SERPIND1: variants seen among roughly 807,000 people sequenced by gnomAD.
The protein encoded by SERPIND1 is heparin cofactor 2.
SERPIND1 carries 34 observed loss-of-function variants against 35.0 expected under a neutral mutation model. The ratio of observed to expected loss-of-function variants is 0.97; its 90% CI spans 0.74 to 1.29. The LOEUF is 1.29. Among genes scored for constraint, SERPIND1 ranks in the 50% most tolerant of loss-of-function variants. SERPIND1 has a pLI of 0.00. For synonymous variants in SERPIND1, 236 were observed against 241.1 expected (o/e 0.98, Z 0.19); for missense variants, 633 against 637.7 (o/e 0.99, Z 0.08).
chr22:20,787,465 G>C lies in SERPIND1; in HGVS notation c.*399G>C. 1 of 333,302 alleles carries C rather than the reference G, an allele frequency of 3.0e-6. No homozygotes were observed. The allele number at this position is 333,302 out of a possible 1,614,324, so 20.6% of individuals were successfully genotyped here. ...TGAATACCAAGCACAGAAATGAGTG[G>C]TGTGACTAATTCCTTACCTCTCCCA... On this transcript the variant is annotated 3_prime_UTR_variant, in exon 5 of 5. Coordinates refer to ENST00000215727, the MANE Select transcript of SERPIND1 (RefSeq NM_000185.4).
intron 2 of SERPIND1, among the ~76,000 whole-genome samples, chr22:20,782,956 C>A (rs940852563): frequency 6.7e-6 from 1 of 149,880 alleles, no homozygotes; most frequent in African/African-American, 2.5e-5. Flanking sequence ...GCTGCTCTAC[C>A]CACCAGCTAG....
chr22:20,774,708 C>T (rs916525549), intron 1 of SERPIND1, among the ~76,000 whole-genome samples: 11 of 146,908 alleles, frequency 7.5e-5, no homozygotes, highest in African/African-American at 2.0e-4. Flanking sequence ...TTGCAGTGAG[C>T]GGAGATCGTG....
In SERPIND1 at chr22:20,786,016, G is replaced by C. The variant is rs770479744; in HGVS notation, c.1176G>C (p.Val392=). 31 of 1,614,040 alleles carry C rather than the reference G, an allele frequency of 1.9e-5. No individual in the cohort carries two copies. The Admixed American group carries it at 2.3e-4, about 12-fold the overall frequency. The part of the protein sequence containing the change: ...QKSMTNRTRE[V]LLPKFKLEKN... ...CTTTTCTGTCTAGAACTCGAGAAGTGCTTCTGCCGAAATTCAAGCTGGAGA... is the reference window on the plus strand; with the variant it reads ...CTTTTCTGTCTAGAACTCGAGAAGTCCTTCTGCCGAAATTCAAGCTGGAGA... The change falls in exon 4 of 5, where the codon GTG becomes GTC. Residue 392 remains valine, a synonymous_variant. Coordinates refer to ENST00000215727, the MANE Select transcript of SERPIND1 (RefSeq NM_000185.4).
chr22:20,783,011 CATATGTAAAAGAGGG>C (rs1361835985), intron 2 of SERPIND1, among the ~76,000 whole-genome samples: 2 of 152,138 alleles, frequency 1.3e-5, no homozygotes, highest in Non-Finnish European at 2.9e-5. Flanking sequence ...TCTGTTTCCT[CATATGTAAAAGAGGG>C]ATAACAAAAC....
intron 2 of SERPIND1, among the ~76,000 whole-genome samples, chr22:20,781,131 A>G (rs1453602821): frequency 2.0e-5 from 3 of 152,154 alleles, no homozygotes; most frequent in African/African-American, 7.2e-5. Flanking sequence ...GCTGAGCACA[A>G]GGGCACTTTT....
chr22:20,778,824 A>C lies in SERPIND1; in HGVS notation c.-16-473A>C, dbSNP rs184165047. On this transcript the variant is annotated intron_variant, in intron 1 of 4. Coordinates refer to ENST00000215727, the MANE Select transcript of SERPIND1 (RefSeq NM_000185.4). ...CTCCTACCACACAGGGTAGAGCCAC[A>C]CCCCTTTCCGTACCCCCATGTGCTC... Among the ~76,000 whole-genome samples the C allele has an allele frequency of 1.7e-3, 256 of 151,762 alleles. 2 individuals carry two copies. Among genetic ancestry groups the C allele is most frequent in the African/African-American group, 5.9e-3 (246 of 41,348 alleles).
intron 1 of SERPIND1, 190 bp from the exon 2 acceptor site, chr22:20,779,107 G>A: frequency 7.5e-7 from 1 of 1,334,296 alleles, no homozygotes. Context: ...AGGTTTATGA[G>A]TCCCACATCA....
intron 3 of SERPIND1, 77 bp from the exon 4 acceptor site, chr22:20,785,927 C>T (rs1478749219): frequency 3.2e-6 from 5 of 1,584,732 alleles, no homozygotes; most frequent in Non-Finnish European, 4.3e-6. Flanking sequence ...AACCCGTGGC[C>T]CTTTAAAGGG....
rs180847399 is a variant in SERPIND1, at chr22:20,783,005, T to A, written c.890-967T>A. Reference sequence around the variant, plus strand: ...GTTACTTCACTTCTTTGTGCCTCTGTTTCCTCATATGTAAAAGAGGGATAA... The same window carrying A: ...GTTACTTCACTTCTTTGTGCCTCTGATTCCTCATATGTAAAAGAGGGATAA... On this transcript the variant is annotated intron_variant, in intron 2 of 4. Coordinates refer to ENST00000215727, the MANE Select transcript of SERPIND1 (RefSeq NM_000185.4). 2.5e-3 allele frequency among the ~76,000 whole-genome samples: 375 copies of A among 152,316 alleles called. 2 individuals are homozygous for A. Among genetic ancestry groups the A allele is most frequent in the Non-Finnish European group, 4.6e-3 (311 of 68,030 alleles).
intron 2 of SERPIND1, 70 bp downstream of exon 2, chr22:20,780,271 T>A (rs998135570): frequency 1.3e-6 from 2 of 1,598,438 alleles, no homozygotes; most frequent in Non-Finnish European, 1.7e-6. Flanking sequence ...GTAGATTGAA[T>A]GCCAAGAACT....
chr22:20,781,171 C>T (rs1017026475), intron 2 of SERPIND1, among the ~76,000 whole-genome samples: 2 of 152,168 alleles, frequency 1.3e-5, no homozygotes, highest in Non-Finnish European at 2.9e-5. Flanking sequence ...CCATCACACA[C>T]ACATAGGACC....
At position 20,779,434 on chromosome 22, in the gene SERPIND1, A is replaced by G. The variant is rs1322419506; in HGVS notation, c.122A>G (p.Gln41Arg). ...GAAACTGCTCAGTCTGCAGATCCCC[A>G]GTGGGAGCAGTTAAATAACAAAAAC... is the stretch of plus-strand genomic sequence containing the variant. ...GGETAQSADP[Q>R]WEQLNNKNLS... Residue 41 changes from glutamine (Q) to arginine (R), a missense_variant, in exon 2 of 5, where the codon CAG becomes CGG. By Grantham distance (43) the Gln-to-Arg change is conservative. Coordinates refer to ENST00000215727, the MANE Select transcript of SERPIND1 (RefSeq NM_000185.4). The G allele has an allele frequency of 1.9e-6, 3 of 1,614,214 alleles. No homozygotes were observed. Among genetic ancestry groups the G allele is most frequent in the Admixed American group, 3.3e-5 (2 of 60,024 alleles).
At position 20,779,504 on chromosome 22, in the gene SERPIND1, C is replaced by T. The variant is rs768402549; in HGVS notation, c.192C>T (p.Thr64=). Residue 64 remains threonine (T), a synonymous_variant, in exon 2 of 5, where the codon ACC becomes ACT. Coordinates refer to ENST00000215727, the MANE Select transcript of SERPIND1 (RefSeq NM_000185.4). ...CTGCCGACTTCCACAAGGAAAACAC[C>T]GTCACCAACGACTGGATTCCAGAGG... is the stretch of plus-strand genomic sequence containing the variant. ...LLPADFHKEN[T]VTNDWIPEGE... is the part of the protein sequence containing the mutation. 33 of 1,613,952 alleles carry T rather than the reference C, an allele frequency of 2.0e-5. No individual in the cohort carries two copies. The East Asian group carries it at 4.7e-4, about 23-fold the overall frequency.
chr22:20,785,896 T>C (rs1296385772), intron 3 of SERPIND1, 108 bp from the exon 4 acceptor site: 14 of 1,462,874 alleles, frequency 9.6e-6, no homozygotes, highest in Admixed American at 3.4e-5. Flanking sequence ...ATAAGTGCTA[T>C]ATCAATTCTG....
In SERPIND1 at chr22:20,779,876, T is replaced by A; in HGVS notation, c.564T>A (p.Asn188Lys). 1 of 1,614,258 alleles carries A rather than the reference T, an allele frequency of 6.2e-7. No individual in the cohort carries two copies. The highest frequency in any genetic ancestry group is 8.5e-7 in the Non-Finnish European group (1 of 1,180,042). The change falls in exon 2 of 5, where the codon AAT becomes AAA. Residue 188 changes from asparagine to lysine, a missense_variant. Transcript: ENST00000215727. ...HSILHFKDFV[N>K]ASSKYEITTI... ...TTTTGCATTTTAAAGACTTTGTTAA[T>A]GCCAGCAGCAAGTATGAAATCACGA...
chr22:20,781,291 TGA>T (rs1375789056), intron 2 of SERPIND1, among the ~76,000 whole-genome samples: 2 of 152,168 alleles, frequency 1.3e-5, no homozygotes, highest in Non-Finnish European at 2.9e-5. Flanking sequence ...CTCTCTAAGC[TGA>T]GAGTGTGGAA....
rs776775377 is a variant in SERPIND1, at chr22:20,779,966, G to T, written c.654G>T (p.Leu218=). ...TCAGGAGGAATTTTGGGTACACACTGCGGTCAGTCAATGACCTTTATATCC... is the reference window on the plus strand; with the variant it reads ...TCAGGAGGAATTTTGGGTACACACTTCGGTCAGTCAATGACCTTTATATCC... ...RLFRRNFGYT[L]RSVNDLYIQK... The change falls in exon 2 of 5, where the codon CTG becomes CTT. Residue 218 remains leucine (L), a synonymous_variant. Coordinates refer to ENST00000215727, the MANE Select transcript of SERPIND1 (RefSeq NM_000185.4). 5 of 1,614,204 alleles carry T rather than the reference G, an allele frequency of 3.1e-6. No homozygotes were observed. The highest frequency in any genetic ancestry group is 4.2e-6 in the Non-Finnish European group (5 of 1,180,044).
intron 4 of SERPIND1, 28 bp from the exon 5 acceptor site, chr22:20,786,847 G>A (rs372325883): frequency 3.7e-6 from 6 of 1,613,314 alleles, no homozygotes; most frequent in Non-Finnish European, 5.1e-6. Flanking sequence ...CTGACCTCCA[G>A]AATCTGACAA....
intron 1 of SERPIND1, 104 bp from the exon 2 acceptor site, chr22:20,779,193 G>T: frequency 6.3e-7 from 1 of 1,589,334 alleles, no homozygotes; most frequent in African/African-American, 1.3e-5. Context: ...ATGCTGTGAG[G>T]GCCTCTTCCT....
Sources: gnomAD v4.1 joint callset for allele counts (sites outside exome capture counted in the v4.1 genomes callset) on GRCh38, gnomAD v4.1.1 for gene constraint, MANE v1.5 for transcripts, NCBI Gene and HGNC (gene_info 2026-07-23, HGNC 2026-07-21) for gene names.